Variants in PPP2R2C observed in about 807,000 individuals in gnomAD.
PPP2R2C encodes protein phosphatase 2, regulatory subunit B, gamma.
Under a neutral mutation model 45.3 loss-of-function variants are expected in PPP2R2C, and 10 were observed. That is an observed-to-expected ratio of 0.22 (90% CI 0.14 to 0.37). The LOEUF (loss-of-function observed/expected upper bound fraction) is 0.37. PPP2R2C is among the 10% of genes least tolerant of loss of function. The pLI is 1.00. For synonymous variants in PPP2R2C, 257 were observed against 245.4 expected (o/e 1.05, Z -0.44); for missense variants, 308 against 619.7 (o/e 0.50, Z 5.34).
intron 1 of PPP2R2C, among the ~76,000 whole-genome samples, chr4:6,556,832 C>T (rs1448991620): frequency 6.6e-6 from 1 of 152,086 alleles, no homozygotes; most frequent in Non-Finnish European, 1.5e-5. Flanking sequence ...TGGTTATTAT[C>T]ACAGAAGGAT....
At chr4:6,484,222 C>A (rs997406699) in intron 2 of PPP2R2C, among the ~76,000 whole-genome samples, 1 of 151,866 alleles carries the variant, frequency 6.6e-6, no homozygotes, top group South Asian at 2.1e-4. Context: ...TGTTTTAGCA[C>A]CCATTATCTA....
intron 1 of PPP2R2C, among the ~76,000 whole-genome samples, chr4:6,400,744 T>C (rs1717364428): frequency 6.6e-6 from 1 of 152,248 alleles, no homozygotes; most frequent in South Asian, 2.1e-4. Flanking sequence ...ATGCCATTCA[T>C]CACAAGATGC....
intron 1 of PPP2R2C, among the ~76,000 whole-genome samples, chr4:6,437,168 A>G (rs903609931): frequency 6.6e-6 from 1 of 152,204 alleles, no homozygotes; most frequent in Non-Finnish European, 1.5e-5. Flanking sequence ...TCTTGCTTAT[A>G]CATTTTGTAC....
chr4:6,439,605 C>T (rs1720051245), intron 1 of PPP2R2C, among the ~76,000 whole-genome samples: 1 of 152,172 alleles, frequency 6.6e-6, no homozygotes, highest in African/African-American at 2.4e-5. Context: ...CGCTTCGTCT[C>T]CTAGAAAGTC....
chr4:6,551,941 A>G (rs1280566757), intron 1 of PPP2R2C, among the ~76,000 whole-genome samples: 1 of 152,244 alleles, frequency 6.6e-6, no homozygotes, highest in African/African-American at 2.4e-5. Context: ...TCATGGGATC[A>G]TTTGTTAGGA....
At chr4:6,404,052 G>T (rs551855826) in intron 1 of PPP2R2C, among the ~76,000 whole-genome samples, 144 of 152,244 alleles carry the variant, frequency 9.5e-4, no homozygotes, top group Non-Finnish European at 1.7e-3. Flanking sequence ...TGGAGTCCCT[G>T]ACTGTACCCA....
At chr4:6,439,211 T>C (rs535075929) in intron 1 of PPP2R2C, among the ~76,000 whole-genome samples, 1 of 152,362 alleles carries the variant, frequency 6.6e-6, no homozygotes, top group African/African-American at 2.4e-5. Flanking sequence ...GCACATGCAA[T>C]GGTTTGCCAG....
intron 1 of PPP2R2C, among the ~76,000 whole-genome samples, chr4:6,386,434 G>A (rs2109323968): frequency 6.6e-6 from 1 of 152,294 alleles, no homozygotes; most frequent in South Asian, 2.1e-4. Flanking sequence ...CTCTGCCCAT[G>A]TCTTGGGCTG....
chr4:6,338,023 C>T (rs540957675), intron 6 of PPP2R2C, among the ~76,000 whole-genome samples: 20 of 152,164 alleles, frequency 1.3e-4, no homozygotes, highest in African/African-American at 4.6e-4. Flanking sequence ...CGAGTACGCA[C>T]GCAAACACAC....
intron 2 of PPP2R2C, among the ~76,000 whole-genome samples, chr4:6,529,476 A>G (rs1724324781): frequency 6.6e-6 from 1 of 152,194 alleles, no homozygotes; most frequent in Non-Finnish European, 1.5e-5. Flanking sequence ...TAGCCTCCAG[A>G]CAACCCAGTG....
chr4:6,533,395 T>C (rs981585882), intron 2 of PPP2R2C, among the ~76,000 whole-genome samples: 2 of 151,436 alleles, frequency 1.3e-5, no homozygotes, highest in Admixed American at 6.6e-5. Context: ...GAGAAGAGAG[T>C]CCCTTCTGTA....
At chr4:6,503,258 G>A (rs1321226360) in intron 2 of PPP2R2C, among the ~76,000 whole-genome samples, 1 of 152,034 alleles carries the variant, frequency 6.6e-6, no homozygotes, top group African/African-American at 2.4e-5. Flanking sequence ...CACACCTCAG[G>A]GCCTTTGCAG....
intron 1 of PPP2R2C, among the ~76,000 whole-genome samples, chr4:6,462,382 G>C (rs575504140): frequency 2.6e-5 from 4 of 152,206 alleles, no homozygotes; most frequent in Non-Finnish European, 4.4e-5. Flanking sequence ...AGGATGCTGA[G>C]GCAGGAGAAT....
At chr4:6,509,207 G>C (rs1723344288) in intron 2 of PPP2R2C, among the ~76,000 whole-genome samples, 1 of 152,150 alleles carries the variant, frequency 6.6e-6, no homozygotes. Context: ...TTTTCCCATG[G>C]TTGGGAAAGA....
intron 8 of PPP2R2C, among the ~76,000 whole-genome samples, chr4:6,327,469 T>C (rs1732039385): frequency 6.6e-6 from 1 of 152,172 alleles, no homozygotes; most frequent in South Asian, 2.1e-4. Flanking sequence ...TGGTGGCAGC[T>C]TGAAGGAAGG....
intron 2 of PPP2R2C, among the ~76,000 whole-genome samples, chr4:6,485,051 C>G (rs1267485092): frequency 6.6e-6 from 1 of 151,800 alleles, no homozygotes; most frequent in Non-Finnish European, 1.5e-5. Context: ...CTCATAGATG[C>G]TCTTTATCAA....
intron 5 of PPP2R2C, among the ~76,000 whole-genome samples, chr4:6,352,028 T>C (rs746867174): frequency 4.4e-4 from 67 of 152,322 alleles, no homozygotes; most frequent in Non-Finnish European, 6.5e-4. Flanking sequence ...GAAGTAGCTG[T>C]GGGAGAAGCC....
chr4:6,466,407 C>A (rs1025542514), intron 1 of PPP2R2C, among the ~76,000 whole-genome samples: 13 of 152,234 alleles, frequency 8.5e-5, no homozygotes, highest in Admixed American at 2.6e-4. Context: ...ACACAGGTTG[C>A]ATATCCATGA....
At chr4:6,413,589 T>C (rs145598836) in intron 1 of PPP2R2C, among the ~76,000 whole-genome samples, 1 of 152,294 alleles carries the variant, frequency 6.6e-6, no homozygotes, top group East Asian at 1.9e-4. Flanking sequence ...GGTGCAGTTA[T>C]CAGAGCAAGA....
Sources: allele counts gnomAD v4.1 joint callset (sites outside exome capture counted in the v4.1 genomes callset), GRCh38; gene constraint gnomAD v4.1.1; transcripts MANE v1.5; gene names NCBI Gene and HGNC (gene_info 2026-07-23, HGNC 2026-07-21).